WWOX: variants seen among roughly 807,000 people sequenced by gnomAD.
WWOX encodes the protein WW domain-containing oxidoreductase.
A neutral mutation model predicts 46.2 loss-of-function variants in WWOX; 69 were observed. That is an observed-to-expected ratio of 1.49 (90% CI 1.23 to 1.82). The LOEUF is 1.82. WWOX is among the 40% of genes most tolerant of loss of function. The pLI is 0.00. For synonymous variants in WWOX, 359 were observed against 202.6 expected (o/e 1.77, Z -6.56); for missense variants, 919 against 542.6 (o/e 1.69, Z -6.89).
At chr16:78,850,536 G>A (rs1316592427) in intron 8 of WWOX, among the ~76,000 whole-genome samples, 1 of 152,144 alleles carries the variant, frequency 6.6e-6, no homozygotes, top group African/African-American at 2.4e-5. Flanking sequence ...ATGTTGCAAT[G>A]AAACGTTTGT....
chr16:78,899,975 GTT>G (rs754001852), intron 8 of WWOX, among the ~76,000 whole-genome samples: 31 of 150,714 alleles, frequency 2.1e-4, no homozygotes, highest in Non-Finnish European at 2.5e-4. Flanking sequence ...TGATAATTAG[GTT>G]TGTTAAATTC....
chr16:78,173,478 T>C (rs2035230704), intron 5 of WWOX, among the ~76,000 whole-genome samples: 1 of 145,524 alleles, frequency 6.9e-6, no homozygotes, highest in Non-Finnish European at 1.5e-5. Flanking sequence ...TTTTTTTTAA[T>C]GTAGAGGAAG....
intron 8 of WWOX, among the ~76,000 whole-genome samples, chr16:79,067,594 C>T (rs1276782223): frequency 1.5e-5 from 2 of 132,010 alleles, no homozygotes; most frequent in South Asian, 2.3e-4. Context: ...CATCCTCTGC[C>T]TGCCCTGGGT....
At chr16:78,796,421 C>T (rs919822551) in intron 8 of WWOX, among the ~76,000 whole-genome samples, 1 of 152,240 alleles carries the variant, frequency 6.6e-6, no homozygotes, top group African/African-American at 2.4e-5. Context: ...TCACTTCCAC[C>T]TGCTTCCCAT....
chr16:78,630,269 A>G (rs974275298), intron 8 of WWOX, among the ~76,000 whole-genome samples: 1 of 152,170 alleles, frequency 6.6e-6, no homozygotes, highest in African/African-American at 2.4e-5. Context: ...AAGAGTTAGT[A>G]CAGCAGACTG....
intron 8 of WWOX, among the ~76,000 whole-genome samples, chr16:78,703,454 T>A (rs1444098209): frequency 4.4e-5 from 1 of 22,788 alleles, no homozygotes; most frequent in African/African-American, 8.9e-4. Flanking sequence ...TCTCTACACA[T>A]TTTTTTTTTT....
intron 8 of WWOX, among the ~76,000 whole-genome samples, chr16:79,197,627 TGTG>T (rs2051266117): frequency 6.6e-6 from 1 of 152,204 alleles, no homozygotes; most frequent in Non-Finnish European, 1.5e-5. Context: ...AACAGGTGGT[TGTG>T]GTGATAATCT....
At chr16:78,280,866 A>G (rs1259097919) in intron 5 of WWOX, 8 of 152,748 alleles carry the variant, frequency 5.2e-5, no homozygotes, top group African/African-American at 1.9e-4. Flanking sequence ...CATCTGAATC[A>G]TCAGAATTGT....
chr16:78,660,806 CT>C (rs2047192327), intron 8 of WWOX, among the ~76,000 whole-genome samples: 1 of 152,082 alleles, frequency 6.6e-6, no homozygotes, highest in African/African-American at 2.4e-5. Context: ...TATGGATAGC[CT>C]TTTCAAAAAA....
intron 7 of WWOX, among the ~76,000 whole-genome samples, chr16:78,432,280 A>G (rs372602459): frequency 1.8e-3 from 277 of 151,928 alleles, no homozygotes; most frequent in African/African-American, 6.3e-3. Context: ...TAATTTTTGT[A>G]TTTTTAGTAG....
At chr16:78,692,281 A>C (rs1479183806) in intron 8 of WWOX, among the ~76,000 whole-genome samples, 1 of 152,210 alleles carries the variant, frequency 6.6e-6, no homozygotes, top group Non-Finnish European at 1.5e-5. Flanking sequence ...GAGAAGCAAC[A>C]ACTTTTGTTT....
intron 8 of WWOX, chr16:79,101,525 A>C (rs1298009551): frequency 6.6e-6 from 1 of 152,180 alleles, no homozygotes; most frequent in Non-Finnish European, 1.5e-5. Flanking sequence ...TAAGGGAATG[A>C]GTTTAAGTGG....
chr16:79,135,001 A>G (rs2049955705), intron 8 of WWOX, among the ~76,000 whole-genome samples: 1 of 152,246 alleles, frequency 6.6e-6, no homozygotes, highest in South Asian at 2.1e-4. Flanking sequence ...TTGAAATTGA[A>G]ATGAGGGCTT....
chr16:78,809,490 A>G (rs1025263299), intron 8 of WWOX, among the ~76,000 whole-genome samples: 4 of 152,040 alleles, frequency 2.6e-5, no homozygotes. Flanking sequence ...CCATCCCTCT[A>G]CCCTGAGGAC....
At chr16:79,159,609 T>C (rs1286656468) in intron 8 of WWOX, among the ~76,000 whole-genome samples, 2 of 152,182 alleles carry the variant, frequency 1.3e-5, no homozygotes, top group Non-Finnish European at 2.9e-5. Flanking sequence ...GGGTAGCTGA[T>C]GAGTCCCCCA....
At chr16:78,285,447 T>TGAA (rs2079751463) in intron 5 of WWOX, among the ~76,000 whole-genome samples, 1 of 149,332 alleles carries the variant, frequency 6.7e-6, no homozygotes, top group Admixed American at 6.7e-5. Context: ...AAATAAAAAC[T>TGAA]AAAAAAAAAA....
intron 5 of WWOX, among the ~76,000 whole-genome samples, chr16:78,363,775 A>C (rs570105818): frequency 3.7e-4 from 57 of 152,328 alleles, no homozygotes; most frequent in Non-Finnish European, 6.6e-4. Flanking sequence ...CATGAGCTCA[A>C]ACCCCTCCAG....
intron 8 of WWOX, among the ~76,000 whole-genome samples, chr16:78,745,491 G>C (rs1452221805): frequency 6.8e-6 from 1 of 147,110 alleles, no homozygotes; most frequent in Non-Finnish European, 1.5e-5. Context: ...GCGTTTGGGG[G>C]TCACTCCATA....
chr16:78,775,352 C>T (rs529546700), intron 8 of WWOX, among the ~76,000 whole-genome samples: 16 of 152,298 alleles, frequency 1.1e-4, no homozygotes, highest in Admixed American at 4.6e-4. Flanking sequence ...CCCACCCCCA[C>T]GAACATGTAG....
Sources: allele counts gnomAD v4.1 joint callset (sites outside exome capture counted in the v4.1 genomes callset), GRCh38; gene constraint gnomAD v4.1.1; transcripts MANE v1.5; gene names NCBI Gene and HGNC (gene_info 2026-07-23, HGNC 2026-07-21).